RFPL2: variants seen among roughly 807,000 people sequenced by gnomAD.
RFPL2 encodes the protein ret finger protein-like 2.
A neutral mutation model predicts 17.8 loss-of-function variants in RFPL2; 13 were observed. That is an observed-to-expected ratio of 0.73 (90% CI 0.47 to 1.16). RFPL2 has a LOEUF of 1.16. Among genes scored for constraint, RFPL2 ranks in the 50% most tolerant of loss-of-function variants. The pLI is 0.00. For synonymous variants in RFPL2, 189 were observed against 180.9 expected (o/e 1.04, Z -0.36); for missense variants, 431 against 479.3 (o/e 0.90, Z 0.94).
intron 2 of RFPL2, among the ~76,000 whole-genome samples, chr22:32,201,798 A>G (rs1482158084): frequency 6.6e-6 from 1 of 152,042 alleles, no homozygotes; most frequent in East Asian, 1.9e-4. Flanking sequence ...GGAGTTAGAA[A>G]ACTGGGGGCA....
At chr22:32,203,842 C>T (rs1378693789) in intron 1 of RFPL2, among the ~76,000 whole-genome samples, 1 of 151,280 alleles carries the variant, frequency 6.6e-6, no homozygotes. Flanking sequence ...TGGGAAATGA[C>T]GCCCGGGATA....
chr22:32,197,493 C>T (rs1923468792), intron 2 of RFPL2, among the ~76,000 whole-genome samples: 1 of 151,934 alleles, frequency 6.6e-6, no homozygotes, highest in Non-Finnish European at 1.5e-5. Context: ...ATACATGTGC[C>T]ATATGCTGCG....
chr22:32,196,941 T>A (rs1258926922), intron 2 of RFPL2, among the ~76,000 whole-genome samples: 2 of 152,230 alleles, frequency 1.3e-5, no homozygotes, highest in African/African-American at 4.8e-5. Flanking sequence ...TCTGCTTAAT[T>A]GACATTCATG....
chr22:32,192,313 A>G (rs1012341288), intron 4 of RFPL2, among the ~76,000 whole-genome samples: 1 of 152,096 alleles, frequency 6.6e-6, no homozygotes, highest in Non-Finnish European at 1.5e-5. Flanking sequence ...GATGTATAGT[A>G]TTTTCTGTAG....
At chr22:32,196,867 C>T (rs1272135691) in intron 2 of RFPL2, among the ~76,000 whole-genome samples, 2 of 152,176 alleles carry the variant, frequency 1.3e-5, no homozygotes, top group Non-Finnish European at 2.9e-5. Flanking sequence ...GAGCCACAGT[C>T]CGTAAAACCC....
Position 32,202,360 on chromosome 22 carries a change from G to A in RFPL2, c.92C>T (p.Ala31Val). The A allele has an allele frequency of 6.2e-7, 1 of 1,603,800 alleles. No individual in the cohort carries two copies. Among genetic ancestry groups the A allele is most frequent in the Non-Finnish European group, 8.5e-7 (1 of 1,175,220 alleles). The change falls in exon 2 of 5, where the codon GCA (alanine) becomes GTA (valine). Residue 31 changes from alanine to valine, a missense_variant. Physicochemically the swap from Ala to Val is moderately conservative, Grantham distance 64. Transcript: ENST00000652607. The stretch of plus-strand genomic sequence containing the variant: ...CAGGCTCCTTATCACCATCATGTCT[G>A]CAAAGTCCCAGTGGCCACACAATAC... ...CAVLCGHWDF[A>V]DMMVIRSLSL...
At position 32,191,174 on chromosome 22, in the gene RFPL2, C is replaced by T; in HGVS notation, c.735G>A (p.Val245=). The T allele has an allele frequency of 1.9e-6, 3 of 1,613,928 alleles. No homozygotes were observed. The highest frequency in any genetic ancestry group is 2.5e-6 in the Non-Finnish European group (3 of 1,179,866). The change falls in exon 5 of 5, where the codon GTG becomes GTA. Residue 245 remains valine (V), a synonymous_variant. Coordinates refer to ENST00000652607, the MANE Select transcript of RFPL2 (RefSeq NM_001394555.1). ...RFTCGRHCWE[V]DVGTSTEWDL... ...CCCATTCTGTGCTTGTTCCCACGTC[C>T]ACCTCCCAGCAGTGGCGGCCACAGG...
intron 4 of RFPL2, among the ~76,000 whole-genome samples, chr22:32,192,566 T>C (rs559142965): frequency 2.6e-5 from 4 of 152,346 alleles, no homozygotes; most frequent in African/African-American, 9.6e-5. Flanking sequence ...CTCTATGTTT[T>C]TGCTACTCAG....
At position 32,202,445 on chromosome 22, in the gene RFPL2, C is replaced by T. The variant is rs889592578; in HGVS notation, c.7G>A (p.Val3Met). The T allele has an allele frequency of 4.4e-6, 7 of 1,591,424 alleles. No homozygotes were observed. The highest frequency in any genetic ancestry group is 3.4e-6 in the Non-Finnish European group (4 of 1,168,810). ...GTCTCTGGGAAGCCTAATTCAGCCA[C>T]CTCCATCGGAGGCAAATCATGGTGC... Reference protein sequence around the residue: MEVAELGFPETAV... With the variant: MEMAELGFPETAV... Residue 3 changes from valine to methionine, a missense_variant, in exon 2 of 5, where the codon GTG becomes ATG. Val to Met is a conservative substitution (Grantham distance 21, BLOSUM62 1). Coordinates refer to ENST00000652607, the MANE Select transcript of RFPL2 (RefSeq NM_001394555.1).
intron 3 of RFPL2, 65 bp downstream of exon 3, chr22:32,194,280 C>T: frequency 1.3e-6 from 2 of 1,553,632 alleles, no homozygotes; most frequent in South Asian, 1.2e-5. Flanking sequence ...CATTCATCCC[C>T]CCAAGTCATA....
Position 32,193,095 on chromosome 22 carries a change from G to A in RFPL2, c.363C>T (p.Cys121=), listed in dbSNP as rs1922879624. 6 of 1,613,940 alleles carry A rather than the reference G, an allele frequency of 3.7e-6. No homozygotes were observed. The highest frequency in any genetic ancestry group is 2.7e-5 in the African/African-American group (2 of 75,022). The part of the protein sequence containing the change: ...PMSLECGCAV[C]LKCINSLQKE... ...TCTGCAGTGAATTAATGCACTTGAG[G>A]CAGACGGCGCATCCACACTCCAGGG... Residue 121 remains cysteine (C), a synonymous_variant, in exon 4 of 5, where the codon TGC becomes TGT. Coordinates refer to ENST00000652607, the MANE Select transcript of RFPL2 (RefSeq NM_001394555.1).
Position 32,190,779 on chromosome 22 carries a change from G to T in RFPL2, c.1130C>A (p.Ala377Asp). The change falls in exon 5 of 5, where the codon GCC (alanine) becomes GAC (aspartate). Residue 377 changes from alanine to aspartate, a missense_variant. Physicochemically the swap from Ala to Asp is moderately radical, Grantham distance 126. Coordinates refer to ENST00000652607, the MANE Select transcript of RFPL2 (RefSeq NM_001394555.1). ...TTTTTTTGGAGTGAGGGCTTATTTG[G>T]CCTCCCCAGGACGGACTGGAGCATC... is the stretch of plus-strand genomic sequence containing the variant. ...TTDAPVRPGE[A>D]K 6.7e-7 allele frequency: 1 copy of T among 1,501,036 alleles called. No homozygotes were observed. The highest frequency in any genetic ancestry group is 8.9e-7 in the Non-Finnish European group (1 of 1,125,032). The allele number at this position is 1,501,036 out of a possible 1,614,324, so 93.0% of individuals were successfully genotyped here. A position where few individuals can be genotyped will look rare whatever the true frequency, so the allele number is the denominator to read the frequency against.
Position 32,193,037 on chromosome 22 carries a change from A to C in RFPL2, c.421T>G (p.Cys141Gly). 1 of 1,614,008 alleles carries C rather than the reference A, an allele frequency of 6.2e-7. No homozygotes were observed. Among genetic ancestry groups the C allele is most frequent in the Middle Eastern group, 1.7e-4 (1 of 6,058 alleles). ...EPHGEDLLCC[C>G]SSMVSRKNKI... The stretch of plus-strand genomic sequence containing the variant: ...TTCTTCCGAGAGACCATGGAAGAGC[A>C]ACAGCAAAGTAGATCCTCCCCATGG... Residue 141 changes from cysteine (C) to glycine (G), a missense_variant, in exon 4 of 5, where the codon TGC (cysteine) becomes GGC (glycine). Transcript: ENST00000652607.
intron 1 of RFPL2, chr22:32,203,114 C>T (rs769466325): frequency 6.5e-5 from 64 of 984,088 alleles, no homozygotes; most frequent in Admixed American, 3.7e-4. Flanking sequence ...ACCGGCAGTG[C>T]AGTCCCAGAT....
intron 2 of RFPL2, among the ~76,000 whole-genome samples, chr22:32,201,963 C>A (rs1207468411): frequency 1.3e-5 from 2 of 152,178 alleles, no homozygotes; most frequent in Non-Finnish European, 2.9e-5. Context: ...CACATTTATT[C>A]TCTCCCAGGT....
At chr22:32,200,247 C>T (rs369052234) in intron 2 of RFPL2, 30 of 276,670 alleles carry the variant, frequency 1.1e-4, no homozygotes, top group African/African-American at 4.4e-4. Flanking sequence ...CCCTGACCCT[C>T]GCCCCACCCA....
Position 32,190,706 on chromosome 22 carries a change from G to C in RFPL2, c.*66C>G. ...TTGTATAATGCTTTTACGAAGTAGA[G>C]CGTTCCTAAGTCTACCCACCCAAGT... On this transcript the variant is annotated 3_prime_UTR_variant, in exon 5 of 5. Transcript: ENST00000652607. 7.0e-7 allele frequency: 1 copy of C among 1,438,078 alleles called. No individual in the cohort carries two copies. The highest frequency in any genetic ancestry group is 1.5e-5 in the South Asian group (1 of 66,488). The allele number at this position is 1,438,078 out of a possible 1,614,324, so 89.1% of individuals were successfully genotyped here.
intron 1 of RFPL2, among the ~76,000 whole-genome samples, 191 bp downstream of exon 1, chr22:32,204,516 G>A (rs577682495): frequency 1.3e-5 from 2 of 152,102 alleles, no homozygotes; most frequent in Admixed American, 6.5e-5. Context: ...GCTCCAGATC[G>A]TGCATCCAAC....
Sources: gnomAD v4.1 joint callset for allele counts (sites outside exome capture counted in the v4.1 genomes callset) on GRCh38, gnomAD v4.1.1 for gene constraint, MANE v1.5 for transcripts, NCBI Gene and HGNC (gene_info 2026-07-23, HGNC 2026-07-21) for gene names.